Variants in CHM observed in about 807,000 individuals in gnomAD.
CHM encodes the protein rab proteins geranylgeranyltransferase component A 1.
In CHM, 10 loss-of-function variants were observed where a neutral mutation model predicts 49.0. The ratio of observed to expected loss-of-function variants is 0.20; its 90% CI spans 0.13 to 0.35. CHM has a LOEUF of 0.35. CHM is among the 10% of genes least tolerant of loss of function. CHM has a pLI of 1.00. For synonymous variants in CHM, 184 were observed against 167.5 expected (o/e 1.10, Z -0.76); for missense variants, 455 against 478.4 (o/e 0.95, Z 0.46).
chrX:85,902,256 C>A lies in CHM; in HGVS notation c.1245-1068G>T, dbSNP rs140456326. ...AAAATATACTGGTATAAGTTAAAAT[C>A]TGTTCATTCACTTTAAAAATAAGCC... On this transcript the variant is annotated intron_variant, in intron 9 of 14. Transcript: ENST00000357749. Among the ~76,000 whole-genome samples the A allele has an allele frequency of 6.5e-3, 730 of 111,494 alleles. 8 individuals are homozygous for A. Among genetic ancestry groups the A allele is most frequent in the African/African-American group, 0.022 (687 of 30,770 alleles).
intron 2 of CHM, among the ~76,000 whole-genome samples, chrX:85,990,413 G>A (rs1052347232): frequency 9.9e-5 from 11 of 111,343 alleles, no homozygotes; most frequent in African/African-American, 3.6e-4. Flanking sequence ...CTGAGATAAT[G>A]AGTACAACGA....
chrX:85,908,837 C>G (rs1399777297), intron 9 of CHM, among the ~76,000 whole-genome samples: 1 of 111,503 alleles, frequency 9.0e-6, no homozygotes, highest in Non-Finnish European at 1.9e-5. Context: ...CCAAGTTGTT[C>G]AACTTCTTTA....
intron 8 of CHM, among the ~76,000 whole-genome samples, chrX:85,949,348 T>C (rs1456605825): frequency 1.8e-5 from 2 of 111,711 alleles, no homozygotes; most frequent in African/African-American, 6.5e-5. Context: ...AAAAGAGAAA[T>C]AGGGCTAAAC....
chrX:85,947,582 C>A (rs963626716), intron 8 of CHM, among the ~76,000 whole-genome samples: 2 of 111,596 alleles, frequency 1.8e-5, no homozygotes, highest in Non-Finnish European at 3.8e-5. Flanking sequence ...CCAATTACGC[C>A]TCTTTTCATT....
chrX:85,865,167 T>G (rs1346299457), intron 14 of CHM, among the ~76,000 whole-genome samples: 1 of 111,835 alleles, frequency 8.9e-6, no homozygotes, highest in African/African-American at 3.2e-5. Context: ...TTATAGAGCC[T>G]TGATATGGTT....
At chrX:85,983,970 G>A (rs1244855981) in intron 2 of CHM, among the ~76,000 whole-genome samples, 1 of 110,927 alleles carries the variant, frequency 9.0e-6, no homozygotes, top group Non-Finnish European at 1.9e-5. Context: ...GGGAGGCCGA[G>A]GTGGGCGGAT....
At chrX:85,933,756 C>T (rs900328243) in intron 8 of CHM, among the ~76,000 whole-genome samples, 4 of 111,503 alleles carry the variant, frequency 3.6e-5, no homozygotes, top group African/African-American at 1.3e-4. Flanking sequence ...AGAAAAACAG[C>T]CACACAGAAT....
chrX:85,874,551 A>G (rs1363716976), intron 13 of CHM, among the ~76,000 whole-genome samples: 1 of 111,426 alleles, frequency 9.0e-6, no homozygotes, highest in Non-Finnish European at 1.9e-5. Flanking sequence ...GATAAACAGG[A>G]TTTTATTATA....
At chrX:85,871,353 C>A in intron 14 of CHM, among the ~76,000 whole-genome samples, 1 of 99,481 alleles carries the variant, frequency 1.0e-5, no homozygotes, top group Non-Finnish European at 2.0e-5. Flanking sequence ...GTGTTGTCAA[C>A]ACAAGCAAAG....
chrX:85,873,062 G>A lies in CHM; in HGVS notation c.1760C>T (p.Ala587Val), dbSNP rs751444709. The stretch of plus-strand genomic sequence containing the variant: ...CATCAAGAGCCTTACCTGTTTGACT[G>A]CATTATCATTTCCTAAACCACAATC... ...GPDCGLGNDN[A>V]VKQAETLFQE... is the part of the protein sequence containing the mutation. The change falls in exon 14 of 15, where the codon GCA (alanine) becomes GTA (valine). Residue 587 changes from alanine (A) to valine (V), a missense_variant. Transcript: ENST00000357749. The A allele has an allele frequency of 8.3e-7, 1 of 1,207,548 alleles. No individual in the cohort carries two copies. The highest frequency in any genetic ancestry group is 3.0e-5 in the East Asian group (1 of 33,676).
chrX:85,913,380 G>GAAAGAAAGAAA (rs1569411240), intron 8 of CHM, among the ~76,000 whole-genome samples: 1 of 94,718 alleles, frequency 1.1e-5, no homozygotes, highest in East Asian at 3.2e-4. Flanking sequence ...AAGAAAGAAA[G>GAAAGAAAGAAA]AAAGAAAAAA....
intron 4 of CHM, among the ~76,000 whole-genome samples, chrX:85,968,371 C>T (rs1482098937): frequency 1.8e-5 from 2 of 112,075 alleles, no homozygotes; most frequent in African/African-American, 6.5e-5. Context: ...TACCCAAGAA[C>T]AAAACTTCAT....
chrX:85,994,287 C>T (rs927199481), intron 2 of CHM, among the ~76,000 whole-genome samples: 1 of 111,812 alleles, frequency 8.9e-6, no homozygotes, highest in African/African-American at 3.3e-5. Context: ...TTATCAACAG[C>T]ATCATCACCA....
At position 85,953,420 on chromosome X, in the gene CHM, A is replaced by T. The variant is rs955846086; in HGVS notation, c.1166+2733T>A. Among the ~76,000 whole-genome samples, 3 of 112,069 alleles carry T rather than the reference A, an allele frequency of 2.7e-5. No individual in the cohort carries two copies. The Admixed American group carries it at 2.8e-4, about 11-fold the overall frequency. Reference sequence around the variant, plus strand: ...GGCATTCTTCAGAGAAATAAAAAAAATCCTAAAATGTATATAGAGACACAA... The same window carrying T: ...GGCATTCTTCAGAGAAATAAAAAAATTCCTAAAATGTATATAGAGACACAA... On this transcript the variant is annotated intron_variant, in intron 8 of 14. Coordinates refer to ENST00000357749, the MANE Select transcript of CHM (RefSeq NM_000390.4).
intron 2 of CHM, among the ~76,000 whole-genome samples, chrX:85,987,598 AAGAT>A (rs1044397602): frequency 1.8e-5 from 2 of 112,046 alleles, no homozygotes; most frequent in African/African-American, 3.2e-5. Context: ...AAAAATTAAT[AAGAT>A]AGATAGGATG....
At chrX:86,026,743 A>G (rs936243227) in intron 2 of CHM, among the ~76,000 whole-genome samples, 7 of 112,082 alleles carry the variant, frequency 6.2e-5, no homozygotes, top group African/African-American at 1.9e-4. Flanking sequence ...TGACAAATCT[A>G]ATTTTTTTTA....
At chrX:85,877,352 CTT>C (rs766630615) in intron 13 of CHM, among the ~76,000 whole-genome samples, 4 of 111,296 alleles carry the variant, frequency 3.6e-5, no homozygotes, top group Non-Finnish European at 7.5e-5. Flanking sequence ...GAAAGACAAA[CTT>C]AATGTGTTCT....
At chrX:85,937,841 C>CA (rs1302686614) in intron 8 of CHM, among the ~76,000 whole-genome samples, 1,328 of 42,388 alleles carry the variant, frequency 0.031, 11 homozygotes, top group Middle Eastern at 0.13. Context: ...AAGACTGTCT[C>CA]AAAAAAAAAA....
At chrX:85,938,878 C>A (rs1928944911) in intron 8 of CHM, among the ~76,000 whole-genome samples, 1 of 110,584 alleles carries the variant, frequency 9.0e-6, no homozygotes, top group Non-Finnish European at 1.9e-5. Flanking sequence ...GTTGAAGATG[C>A]CCAAATACAA....
Sources: allele counts gnomAD v4.1 joint callset (sites outside exome capture counted in the v4.1 genomes callset), GRCh38; gene constraint gnomAD v4.1.1; transcripts MANE v1.5; gene names NCBI Gene and HGNC (gene_info 2026-07-23, HGNC 2026-07-21).